Variants in PTPRT observed in about 807,000 individuals in gnomAD.
The protein encoded by PTPRT is receptor-type tyrosine-protein phosphatase T.
PTPRT carries 56 observed loss-of-function variants against 176.8 expected under a neutral mutation model. The ratio of observed to expected loss-of-function variants is 0.32; its 90% confidence interval spans 0.26 to 0.40. The LOEUF (loss-of-function observed/expected upper bound fraction) is 0.40, where lower values mean the gene tolerates loss of function less well. PTPRT is among the 10% of genes least tolerant of loss of function. The probability of loss-of-function intolerance (pLI) is 1.00; values close to 1 mark genes in which losing one functional copy is unlikely to be tolerated. For synonymous variants in PTPRT, 783 were observed against 739.0 expected (o/e 1.06, Z -0.96); for missense variants, 1,540 against 1,908.2 (o/e 0.81, Z 3.60).
At chr20:42,516,133 T>C (rs73618852) in intron 7 of PTPRT, among the ~76,000 whole-genome samples, 17,997 of 142,030 alleles carry the variant, frequency 0.13, 1,268 homozygotes, top group Middle Eastern at 0.17. Flanking sequence ...AGGGATAGCA[T>C]TGGGAGATAC....
intron 1 of PTPRT, among the ~76,000 whole-genome samples, chr20:43,029,347 C>T (rs2146193732): frequency 6.6e-6 from 1 of 152,328 alleles, no homozygotes; most frequent in Admixed American, 6.5e-5. Context: ...ACAGGCCACC[C>T]ACCAACAAGC....
chr20:42,788,961 T>C (rs968066160), intron 3 of PTPRT, among the ~76,000 whole-genome samples: 4 of 152,250 alleles, frequency 2.6e-5, no homozygotes, highest in African/African-American at 9.6e-5. Flanking sequence ...CTAATGAGAC[T>C]AGGAAACTGA....
chr20:42,482,780 G>A lies in PTPRT; in HGVS notation c.1154-10218C>T, dbSNP rs547845587. Among the ~76,000 whole-genome samples, 3 of 152,200 alleles carry A rather than the reference G, an allele frequency of 2.0e-5. No individual in the cohort carries two copies. The South Asian group carries it at 6.2e-4, about 32-fold the overall frequency. On this transcript the variant is annotated intron_variant, in intron 7 of 30. Coordinates refer to ENST00000373187, the MANE Select transcript of PTPRT (RefSeq NM_007050.6). ...ATCTTTCTTCTTCATTTACCCTGAA[G>A]TTTTTACTTTTTTTCCCACGGCTTA...
chr20:42,949,598 C>T (rs753216799), intron 1 of PTPRT, among the ~76,000 whole-genome samples: 1 of 152,158 alleles, frequency 6.6e-6, no homozygotes, highest in South Asian at 2.1e-4. Context: ...TCCACCCCAG[C>T]GGGAGCATCA....
At chr20:43,054,786 C>G (rs1249174895) in intron 1 of PTPRT, among the ~76,000 whole-genome samples, 2 of 152,032 alleles carry the variant, frequency 1.3e-5, no homozygotes, top group Non-Finnish European at 1.5e-5. Context: ...ATCCATTTGC[C>G]TCCAGTGGGG....
chr20:43,035,754 T>C (rs1456173686), intron 1 of PTPRT, among the ~76,000 whole-genome samples: 1 of 152,230 alleles, frequency 6.6e-6, no homozygotes, highest in African/African-American at 2.4e-5. Context: ...AAAACAGAAT[T>C]TGGAGTCCAC....
intron 1 of PTPRT, among the ~76,000 whole-genome samples, chr20:43,089,095 C>A (rs1475443362): frequency 6.6e-6 from 1 of 152,148 alleles, no homozygotes; most frequent in African/African-American, 2.4e-5. Context: ...CCAAATACCA[C>A]AGAATATGCA....
At chr20:42,587,289 G>C (rs541882416) in intron 7 of PTPRT, among the ~76,000 whole-genome samples, 2 of 152,348 alleles carry the variant, frequency 1.3e-5, no homozygotes, top group South Asian at 4.1e-4. Context: ...ACTGCAACAA[G>C]GCAGAGGAAG....
At chr20:42,450,145 G>A (rs187337791) in intron 8 of PTPRT, among the ~76,000 whole-genome samples, 1 of 152,324 alleles carries the variant, frequency 6.6e-6, no homozygotes, top group African/African-American at 2.4e-5. Context: ...GGGCATTAAA[G>A]TTGGTTTGAA....
downstream of PTPRT, among the ~76,000 whole-genome samples, chr20:42,068,421 T>C (rs904204179): frequency 3.9e-5 from 6 of 152,214 alleles, no homozygotes; most frequent in East Asian, 1.9e-4. Flanking sequence ...TACCACTCCC[T>C]TCCTCTCTCT....
intron 6 of PTPRT, among the ~76,000 whole-genome samples, chr20:42,734,123 G>A (rs1174199811): frequency 1.3e-5 from 2 of 152,176 alleles, no homozygotes; most frequent in Non-Finnish European, 2.9e-5. Context: ...GGCCACTAGG[G>A]ACCAGGAGAA....
rs397687079 is a variant in PTPRT at position 42,195,525 on chromosome 20, A to AT, written c.2491+3714_2491+3715insA. On this transcript the variant is annotated intron_variant, in intron 16 of 30. Transcript: ENST00000373187. ...CCAGTGGTTCCACAGGGCATTTTAA[A>AT]GGTACCTGATGCATTCTAGGGCAGT... Among the ~76,000 whole-genome samples, 41 of 151,126 alleles carry AT rather than the reference A, an allele frequency of 2.7e-4. No homozygotes were observed. The South Asian group carries it at 7.9e-3, about 29-fold the overall frequency.
chr20:42,162,343 T>G (rs903083056), intron 16 of PTPRT, among the ~76,000 whole-genome samples: 3 of 152,204 alleles, frequency 2.0e-5, no homozygotes, highest in Admixed American at 2.0e-4. Flanking sequence ...AGGATCTATA[T>G]TCTCTCTTGA....
chr20:42,047,269 G>T, the PTPRT span, among the ~76,000 whole-genome samples: 1 of 152,252 alleles, frequency 6.6e-6, no homozygotes, highest in Non-Finnish European at 1.5e-5. Flanking sequence ...AGATAGCTAG[G>T]CTCAGCCCCA....
At chr20:42,291,569 T>C (rs2057317304) in intron 12 of PTPRT, among the ~76,000 whole-genome samples, 1 of 152,058 alleles carries the variant, frequency 6.6e-6, no homozygotes, top group Non-Finnish European at 1.5e-5. Flanking sequence ...GTAAGGGAGA[T>C]GGCATGGGGT....
At chr20:42,703,152 T>C (rs903748117) in intron 6 of PTPRT, among the ~76,000 whole-genome samples, 5 of 152,146 alleles carry the variant, frequency 3.3e-5, no homozygotes, top group Admixed American at 3.3e-4. Context: ...GGATTAGTAC[T>C]GCTGCAGACT....
At chr20:42,831,111 T>C (rs191261848) in intron 2 of PTPRT, among the ~76,000 whole-genome samples, 65 of 152,236 alleles carry the variant, frequency 4.3e-4, no homozygotes, top group African/African-American at 1.5e-3. Flanking sequence ...AGGTATCATA[T>C]TAGCTGCCTT....
At chr20:42,156,425 T>C (rs891029474) in intron 17 of PTPRT, among the ~76,000 whole-genome samples, 1 of 152,220 alleles carries the variant, frequency 6.6e-6, no homozygotes. Flanking sequence ...CTATACTCAC[T>C]TGCTTGGTGA....
intron 1 of PTPRT, among the ~76,000 whole-genome samples, chr20:43,163,941 C>A (rs1041820494): frequency 6.6e-6 from 1 of 152,140 alleles, no homozygotes; most frequent in Non-Finnish European, 1.5e-5. Context: ...CAGATCCTTG[C>A]GTGCTATAAG....
Sources: gnomAD v4.1 joint callset for allele counts (sites outside exome capture counted in the v4.1 genomes callset) on GRCh38, gnomAD v4.1.1 for gene constraint, MANE v1.5 for transcripts, NCBI Gene and HGNC (gene_info 2026-07-23, HGNC 2026-07-21) for gene names.